Variants in ZGLP1 observed in about 807,000 individuals in gnomAD.
The protein encoded by ZGLP1 is GATA-type zinc finger protein 1.
ZGLP1 carries 11 observed loss-of-function variants against 21.4 expected under a neutral mutation model. The observed-to-expected ratio is 0.51, with a 90% CI of 0.32 to 0.85. The LOEUF is 0.85. Ranked by LOEUF, ZGLP1 falls within the 40% of genes least tolerant of loss-of-function variation. ZGLP1 has a pLI of 0.03. For missense variants in ZGLP1, 295 were observed against 355.6 expected (o/e 0.83, Z 1.37); for synonymous variants, 148 against 145.0 (o/e 1.02, Z -0.15).
intron 1 of ZGLP1, among the ~76,000 whole-genome samples, chr19:10,307,517 T>TTG (rs1217787129): frequency 2.1e-5 from 1 of 48,372 alleles, no homozygotes; most frequent in African/African-American, 6.0e-5. Context: ...TCCCAGCTAG[T>TTG]TTTTTTTTTT....
chr19:10,308,008 C>G (rs1311425038), intron 1 of ZGLP1, among the ~76,000 whole-genome samples, 177 bp downstream of exon 2: 1 of 152,224 alleles, frequency 6.6e-6, no homozygotes, highest in Admixed American at 6.5e-5. Context: ...GCCACTGAGT[C>G]AGGAGCGGCA....
In ZGLP1 at chr19:10,305,455, G is replaced by C. The variant is rs2040273869; in HGVS notation, c.633C>G (p.Thr211=). ...CGTCTCTCCAGAGCGGGGTCCTCTG[G>C]GTCCGACAGGAAGCACAGCGCCGGG... Residue 211 remains threonine (T), a synonymous_variant, in exon 3 of 4, where the codon ACC becomes ACG. Coordinates refer to ENST00000403903, the Ensembl canonical transcript of ZGLP1. This position sits in a 1 kb window ranked among gnomAD's most constrained non-coding sequence, Gnocchi z 4.7. 2.5e-6 allele frequency: 4 copies of C among 1,599,554 alleles called. No homozygotes were observed. In the East Asian group the frequency reaches 9.0e-5, roughly 36 times the overall value.
intron 1 of ZGLP1, 71 bp downstream of exon 2, chr19:10,308,114 C>G: frequency 6.7e-7 from 1 of 1,496,106 alleles, no homozygotes; most frequent in Non-Finnish European, 8.9e-7. Flanking sequence ...CCAGAGAGCA[C>G]CCCTACCTCC....
chr19:10,308,550 C>T (rs374602407), exon 1 of ZGLP1: 14 of 1,604,010 alleles, frequency 8.7e-6, no homozygotes, highest in Non-Finnish European at 1.2e-5. Context: ...GCCAGAGGGA[C>T]CTGGGGAGAA....
At chr19:10,308,467 G>T (rs758020548) in exon 1 of ZGLP1, 2 of 1,611,336 alleles carry the variant, frequency 1.2e-6, no homozygotes, top group African/African-American at 2.7e-5. Context: ...GGTGTCCTGG[G>T]CAGGGGACTG....
chr19:10,308,938 G>T (rs2040296544), exon 1 of ZGLP1: 2 of 324,928 alleles, frequency 6.2e-6, no homozygotes, highest in Non-Finnish European at 1.1e-5. Context: ...CTGGAGTGCA[G>T]GGGCGTGATC....
Position 10,305,763 on chromosome 19 carries a change from G to A in ZGLP1, c.604+83C>T. ...GCTCTAAATGGGGAAGCAAGATGGA[G>A]AAGGGGGGGGCAGGGAGAAAGGCAG... On this transcript the variant is annotated intron_variant, in intron 2 of 3. Coordinates refer to ENST00000403903, the Ensembl canonical transcript of ZGLP1. This position sits in a 1 kb window ranked among gnomAD's most constrained non-coding sequence, Gnocchi z 4.7. 1 of 1,155,388 alleles carries A rather than the reference G, an allele frequency of 8.7e-7. No individual in the cohort carries two copies. The highest frequency in any genetic ancestry group is 2.0e-5 in the Admixed American group (1 of 50,324). 71.6% of individuals were successfully genotyped at this position (1,155,388 alleles called of 1,614,324 possible).
At position 10,305,214 on chromosome 19, in the gene ZGLP1, G is replaced by T. The variant is rs1347501923; in HGVS notation, c.699-6C>A. 2 of 1,612,826 alleles carry T rather than the reference G, an allele frequency of 1.2e-6. No homozygotes were observed. The highest frequency in any genetic ancestry group is 1.7e-5 in the Admixed American group (1 of 59,942). ...GAGTGCCGTATTTCTTGTACCTAGG[G>T]TTGGGGGACAAGAAACTGCCATTTA... On this transcript the variant is annotated splice_region_variant and splice_polypyrimidine_tract_variant and intron_variant, in intron 3 of 3. Transcript: ENST00000403903. This position sits in a 1 kb window ranked among gnomAD's most constrained non-coding sequence, Gnocchi z 4.7.
At chr19:10,306,914 AC>A (rs2040282673) in intron 1 of ZGLP1, among the ~76,000 whole-genome samples, 1 of 152,132 alleles carries the variant, frequency 6.6e-6, no homozygotes, top group African/African-American at 2.4e-5. Context: ...CAGATGGATC[AC>A]CTGAGGTCAA....
Position 10,305,600 on chromosome 19 carries a change from T to C in ZGLP1, c.605-117A>G, listed in dbSNP as rs2040274706. On this transcript the variant is annotated intron_variant, in intron 2 of 3. Coordinates refer to ENST00000403903, the Ensembl canonical transcript of ZGLP1. The surrounding 1 kb of genome is among the most constrained non-coding windows in gnomAD (Gnocchi z 4.7). Reference sequence around the variant, plus strand: ...AGTAAAGGCCCCACCTAGCTCTGGATCAGCCCTGGGAGTTGCCAGCTCTAA... The same window carrying C: ...AGTAAAGGCCCCACCTAGCTCTGGACCAGCCCTGGGAGTTGCCAGCTCTAA... 2.1e-6 allele frequency: 2 copies of C among 933,138 alleles called. No individual in the cohort carries two copies. The highest frequency in any genetic ancestry group is 3.3e-6 in the Non-Finnish European group (2 of 603,194). The allele number at this position is 933,138 out of a possible 1,614,324, so 57.8% of individuals were successfully genotyped here. A position where few individuals can be genotyped will look rare whatever the true frequency, so the allele number is the denominator to read the frequency against.
intron 1 of ZGLP1, 95 bp from the exon 3 acceptor site, chr19:10,306,047 TC>T: frequency 1.2e-6 from 1 of 841,756 alleles, no homozygotes; most frequent in Admixed American, 3.0e-5. Flanking sequence ...GTATCAGCCA[TC>T]CCCCGAGGAG....
At chr19:10,307,432 C>T (rs530898437) in intron 1 of ZGLP1, among the ~76,000 whole-genome samples, 1 of 151,242 alleles carries the variant, frequency 6.6e-6, no homozygotes, top group Non-Finnish European at 1.5e-5. Context: ...TCAGTGCAAC[C>T]TCCACCTCCT....
chr19:10,308,533 C>T (rs775829899), exon 1 of ZGLP1: 3 of 1,606,358 alleles, frequency 1.9e-6, no homozygotes, highest in African/African-American at 2.7e-5. Context: ...CGACTCCTGG[C>T]ATGCAGGCCA....
rs914712862 is a variant in ZGLP1, at chr19:10,305,548, C to T, written c.605-65G>A. On this transcript the variant is annotated intron_variant, in intron 2 of 3. Coordinates refer to ENST00000403903, the Ensembl canonical transcript of ZGLP1. This position sits in a 1 kb window ranked among gnomAD's most constrained non-coding sequence, Gnocchi z 4.7. ...AGCATGTGAGCTCGGGATGCCTGTGCGGAGTCGGGCATTTTGTGGGGGTCT... is the reference window on the plus strand; with the variant it reads ...AGCATGTGAGCTCGGGATGCCTGTGTGGAGTCGGGCATTTTGTGGGGGTCT... 2.1e-4 allele frequency: 298 copies of T among 1,399,278 alleles called. No homozygotes were observed. The highest frequency in any genetic ancestry group is 5.5e-4 in the Middle Eastern group (3 of 5,486). 86.7% of individuals were successfully genotyped at this position (1,399,278 alleles called of 1,614,324 possible).
At chr19:10,307,093 C>G (rs2040283525) in intron 1 of ZGLP1, among the ~76,000 whole-genome samples, 1 of 149,604 alleles carries the variant, frequency 6.7e-6, no homozygotes, top group Middle Eastern at 3.2e-3. Flanking sequence ...GAGATTGTGT[C>G]ATTGCACTCC....
Position 10,308,389 on chromosome 19 carries a change from T to C in ZGLP1, c.293A>G (p.Asp98Gly), listed in dbSNP as rs199660259. The C allele has an allele frequency of 2.2e-5, 35 of 1,608,446 alleles. No individual in the cohort carries two copies. In the African/African-American group the frequency reaches 3.5e-4, roughly 16 times the overall value. ...GATCCTGGTCTGTGTGTCCTTGGAATCCCTGTCCAGCAGCAGGCGGCCCTG... is the reference window on the plus strand; with the variant it reads ...GATCCTGGTCTGTGTGTCCTTGGAACCCCTGTCCAGCAGCAGGCGGCCCTG... Residue 98 changes from aspartate (D) to glycine (G), a missense_variant, in exon 1 of 4, where the codon GAT (aspartate) becomes GGT (glycine). Physicochemically the swap from Asp to Gly is moderately conservative, Grantham distance 94 (BLOSUM62 -1). Transcript: ENST00000403903.
At chr19:10,308,887 T>C (rs2040295928) in exon 1 of ZGLP1, 1 of 429,126 alleles carries the variant, frequency 2.3e-6, no homozygotes, top group East Asian at 3.4e-5. Context: ...TTTTTTTCTT[T>C]GTGTTTCTTT....
chr19:10,306,014 C>T (rs1301125845), intron 1 of ZGLP1, 62 bp from the exon 3 acceptor site: 36 of 1,239,444 alleles, frequency 2.9e-5, no homozygotes, highest in Non-Finnish European at 4.0e-5. Context: ...AACAGCCCTC[C>T]GAAATGAAGA....
At chr19:10,306,166 G>A (rs281419) in intron 1 of ZGLP1, among the ~76,000 whole-genome samples, 24,505 of 151,700 alleles carry the variant, frequency 0.16, 2,115 homozygotes, top group African/African-American at 0.19. Flanking sequence ...AGGCTGGAGT[G>A]TAGTGGTGTC....
Sources: allele counts gnomAD v4.1 joint callset (sites outside exome capture counted in the v4.1 genomes callset), GRCh38; gene constraint gnomAD v4.1.1; non-coding constraint Gnocchi (gnomAD v3.1); transcripts MANE v1.5; gene names NCBI Gene and HGNC (gene_info 2026-07-23, HGNC 2026-07-21).